Variants in LHFPL3 observed in about 807,000 individuals in gnomAD.
The protein encoded by LHFPL3 is LHFPL tetraspan subfamily member 3.
In LHFPL3, 5 loss-of-function variants were observed where a neutral mutation model predicts 19.3. The ratio of observed to expected loss-of-function variants is 0.26; its 90% CI spans 0.14 to 0.54. LHFPL3 has a LOEUF of 0.54. Ranked by LOEUF, LHFPL3 falls within the 20% of genes least tolerant of loss-of-function variation. LHFPL3 has a pLI of 0.94. For synonymous variants in LHFPL3, 133 were observed against 126.2 expected, an observed-to-expected ratio of 1.05 and a Z score of -0.36; for missense variants, 249 against 307.4, an observed-to-expected ratio of 0.81 and a Z score of 1.42.
chr7:104,373,183 C>T (rs1278940965), intron 1 of LHFPL3, among the ~76,000 whole-genome samples: 1 of 152,124 alleles, frequency 6.6e-6, no homozygotes, highest in Admixed American at 6.5e-5. Flanking sequence ...TCCCCTGTGA[C>T]ATCTAATGTA....
At chr7:104,512,286 A>AATGC (rs1793833139) in intron 1 of LHFPL3, among the ~76,000 whole-genome samples, 3 of 151,918 alleles carry the variant, frequency 2.0e-5, no homozygotes, top group Non-Finnish European at 4.4e-5. Context: ...AGTATTTTAA[A>AATGC]CAAGGGTAGG....
chr7:104,669,372 C>T (rs1792426905), intron 1 of LHFPL3: 1 of 1,613,218 alleles, frequency 6.2e-7, no homozygotes, highest in Middle Eastern at 1.7e-4. Flanking sequence ...GGAACTCTAG[C>T]CGTGGTCCAG....
intron 1 of LHFPL3, among the ~76,000 whole-genome samples, chr7:104,721,816 T>C (rs1046378126): frequency 1.3e-5 from 2 of 152,188 alleles, no homozygotes; most frequent in African/African-American, 2.4e-5. Context: ...CTTAGCTTTA[T>C]TGGAGAATCA....
In LHFPL3 at chr7:104,906,272, A is replaced by G; in HGVS notation, c.*57A>G. ...ATCGAATAACAGCTAAACGAATCGA[A>G]TAACAGCTTTTGTACATCAACATCA... On this transcript the variant is annotated 3_prime_UTR_variant, in exon 3 of 3. Transcript: ENST00000424859. 2 of 1,559,674 alleles carry G rather than the reference A, an allele frequency of 1.3e-6. No individual in the cohort carries two copies. The highest frequency in any genetic ancestry group is 2.3e-5 in the East Asian group (1 of 43,622).
At chr7:104,440,036 GGGGGGGGGGA>G (rs1792187250) in intron 1 of LHFPL3, among the ~76,000 whole-genome samples, 1 of 72,968 alleles carries the variant, frequency 1.4e-5, no homozygotes, top group Admixed American at 1.8e-4. Flanking sequence ...TACAAAGCCT[GGGGGGGGGGA>G]GGGATAGCAT....
At chr7:104,551,182 T>G (rs759383597) in intron 1 of LHFPL3, among the ~76,000 whole-genome samples, 4 of 152,196 alleles carry the variant, frequency 2.6e-5, no homozygotes, top group Non-Finnish European at 5.9e-5. Context: ...ACTATTAAGT[T>G]GATTCAGGGG....
chr7:104,815,854 G>A (rs866058740), intron 2 of LHFPL3, among the ~76,000 whole-genome samples: 16 of 152,122 alleles, frequency 1.1e-4, no homozygotes, highest in African/African-American at 3.6e-4. Context: ...GTGAGTACTA[G>A]GGCAAAGAAG....
At chr7:104,539,781 C>G (rs937600705) in intron 1 of LHFPL3, among the ~76,000 whole-genome samples, 1 of 152,150 alleles carries the variant, frequency 6.6e-6, no homozygotes, top group Non-Finnish European at 1.5e-5. Context: ...TGCTCTTTTC[C>G]ACTTTTTTAG....
At chr7:104,693,864 C>G (rs1429839717) in intron 1 of LHFPL3, among the ~76,000 whole-genome samples, 1 of 151,622 alleles carries the variant, frequency 6.6e-6, no homozygotes, top group Non-Finnish European at 1.5e-5. Flanking sequence ...ATCTCCTGAC[C>G]TCATGATCCG....
At chr7:104,728,959 C>T (rs78291403) in intron 1 of LHFPL3, among the ~76,000 whole-genome samples, 2,719 of 152,182 alleles carry the variant, frequency 0.018, 44 homozygotes, top group East Asian at 0.053. Flanking sequence ...CTGTATAATT[C>T]AATGAAATAT....
chr7:104,567,616 T>C (rs1454145116), intron 1 of LHFPL3, among the ~76,000 whole-genome samples: 1 of 152,194 alleles, frequency 6.6e-6, no homozygotes, highest in Non-Finnish European at 1.5e-5. Flanking sequence ...AGAATCACTT[T>C]AGTCAGTCTA....
chr7:104,540,925 T>A (rs987127731), intron 1 of LHFPL3, among the ~76,000 whole-genome samples: 1 of 152,194 alleles, frequency 6.6e-6, no homozygotes, highest in Non-Finnish European at 1.5e-5. Flanking sequence ...GGTTACTAAA[T>A]GCAACGAACT....
At chr7:104,872,730 T>C (rs1263657895) in intron 2 of LHFPL3, among the ~76,000 whole-genome samples, 1 of 152,172 alleles carries the variant, frequency 6.6e-6, no homozygotes, top group Non-Finnish European at 1.5e-5. Flanking sequence ...TGGAAGGTCC[T>C]TGGGGACAAT....
chr7:104,441,185 C>T (rs543659183), intron 1 of LHFPL3, among the ~76,000 whole-genome samples: 18 of 152,270 alleles, frequency 1.2e-4, no homozygotes, highest in African/African-American at 4.3e-4. Context: ...CGTTGAACAA[C>T]TCCTCTCATT....
chr7:104,645,435 A>T (rs947836599), intron 1 of LHFPL3, among the ~76,000 whole-genome samples: 1 of 152,202 alleles, frequency 6.6e-6, no homozygotes, highest in African/African-American at 2.4e-5. Context: ...TCCATGAAAT[A>T]TAATTGCCCA....
intron 2 of LHFPL3, among the ~76,000 whole-genome samples, chr7:104,753,888 A>C (rs1401154533): frequency 6.6e-6 from 1 of 152,250 alleles, no homozygotes; most frequent in Non-Finnish European, 1.5e-5. Flanking sequence ...ACAGGATCAT[A>C]GGCATAGATT....
chr7:104,506,057 G>A (rs954721369), intron 1 of LHFPL3, among the ~76,000 whole-genome samples: 10 of 149,374 alleles, frequency 6.7e-5, no homozygotes, highest in Non-Finnish European at 1.2e-4. Flanking sequence ...TCACTCTGTC[G>A]CCAGGCTGGA....
intron 2 of LHFPL3, among the ~76,000 whole-genome samples, chr7:104,904,403 C>T (rs1018833253): frequency 4.6e-5 from 7 of 152,218 alleles, no homozygotes; most frequent in Admixed American, 6.5e-5. Context: ...ATAATCCCAA[C>T]ACTTTGGGAG....
chr7:104,390,506 C>A (rs1396681513), intron 1 of LHFPL3, among the ~76,000 whole-genome samples: 2 of 152,162 alleles, frequency 1.3e-5, no homozygotes, highest in Admixed American at 6.5e-5. Flanking sequence ...CTACAAAGGA[C>A]ATGAATTCAT....
Sources: gnomAD v4.1 joint callset for allele counts (sites outside exome capture counted in the v4.1 genomes callset) on GRCh38, gnomAD v4.1.1 for gene constraint, MANE v1.5 for transcripts, NCBI Gene and HGNC (gene_info 2026-07-23, HGNC 2026-07-21) for gene names.